Variants in CMTM4 observed in about 807,000 individuals in gnomAD.
CMTM4 encodes CKLF like MARVEL transmembrane domain containing 4.
Under a neutral mutation model 19.0 loss-of-function variants are expected in CMTM4, and 8 were observed. That is an observed-to-expected ratio of 0.42 (90% confidence interval 0.25 to 0.76). The LOEUF (loss-of-function observed/expected upper bound fraction) is 0.76, where lower values mean the gene tolerates loss of function less well. CMTM4 is among the 30% of genes least tolerant of loss of function. CMTM4 has a pLI of 0.27. For missense variants in CMTM4, 228 were observed against 290.2 expected (o/e 0.79, Z 1.56); for synonymous variants, 106 against 121.1 (o/e 0.88, Z 0.82).
intron 2 of CMTM4, among the ~76,000 whole-genome samples, chr16:66,630,933 G>A (rs1444303052): frequency 2.0e-5 from 3 of 148,530 alleles, no homozygotes; most frequent in Non-Finnish European, 3.0e-5. Flanking sequence ...TGTGAGGAGC[G>A]CCTCTGCCTG....
At chr16:66,609,850 C>T, downstream of CMTM4, 3 of 1,614,198 alleles carry the variant, frequency 1.9e-6, no homozygotes, top group Non-Finnish European at 2.5e-6. This position sits in a 1 kb window ranked among gnomAD's most constrained non-coding sequence, Gnocchi z 4.4. Flanking sequence ...AGGGAGTCAG[C>T]CCTGTGATGC....
At chr16:66,689,576 T>G (rs949030380) in intron 1 of CMTM4, among the ~76,000 whole-genome samples, 3 of 151,990 alleles carry the variant, frequency 2.0e-5, no homozygotes, top group Non-Finnish European at 4.4e-5. Context: ...CATGCTAATT[T>G]TTGTATTTTT....
At chr16:66,664,256 A>T (rs1291122167) in intron 1 of CMTM4, among the ~76,000 whole-genome samples, 1 of 151,842 alleles carries the variant, frequency 6.6e-6, no homozygotes, top group Non-Finnish European at 1.5e-5. Context: ...AAAAAATTTC[A>T]GATAAAGGAA....
At chr16:66,612,561 C>T, downstream of CMTM4, 1 of 1,606,712 alleles carries the variant, frequency 6.2e-7, no homozygotes. The surrounding 1 kb of genome is among the most constrained non-coding windows in gnomAD (Gnocchi z 6.0). Context: ...TTCCCAGGCA[C>T]CGCTGCCCTG....
At chr16:66,609,392 C>A in the CMTM4 span, 2 of 1,567,216 alleles carry the variant, frequency 1.3e-6, no homozygotes, top group Non-Finnish European at 1.7e-6. The surrounding 1 kb of genome is among the most constrained non-coding windows in gnomAD (Gnocchi z 4.4). Flanking sequence ...CCATGCTGTG[C>A]TCAGCTCCAG....
At chr16:66,665,740 C>T (rs2016580499) in intron 1 of CMTM4, among the ~76,000 whole-genome samples, 2 of 151,856 alleles carry the variant, frequency 1.3e-5, no homozygotes, top group Admixed American at 6.6e-5. Context: ...TATGCTACCA[C>T]GCTCCAGCCT....
intron 1 of CMTM4, among the ~76,000 whole-genome samples, chr16:66,667,740 T>C (rs1175116406): frequency 1.3e-5 from 2 of 152,086 alleles, no homozygotes; most frequent in East Asian, 3.9e-4. Context: ...ATCCAAAAAA[T>C]TAGCCAGGTG....
chr16:66,665,848 C>G (rs2016582461), intron 1 of CMTM4, among the ~76,000 whole-genome samples: 1 of 151,728 alleles, frequency 6.6e-6, no homozygotes, highest in South Asian at 2.1e-4. Flanking sequence ...GCAGGTGGAT[C>G]ACTTGAGGTT....
intron 1 of CMTM4, among the ~76,000 whole-genome samples, chr16:66,641,479 C>T (rs867775646): frequency 3.3e-5 from 5 of 152,198 alleles, no homozygotes; most frequent in Non-Finnish European, 5.9e-5. Flanking sequence ...ACAAATCAAA[C>T]ACCTTATAGG....
chr16:66,651,488 C>A (rs757629247), intron 1 of CMTM4, among the ~76,000 whole-genome samples: 4 of 152,152 alleles, frequency 2.6e-5, no homozygotes, highest in African/African-American at 4.8e-5. Flanking sequence ...CATCTCTGAT[C>A]CTCACACCCC....
In CMTM4 at chr16:66,620,363, G is replaced by A; in HGVS notation, c.*1695C>T. The A allele has an allele frequency of 2.0e-6, 2 of 985,508 alleles. No homozygotes were observed. Among genetic ancestry groups the A allele is most frequent in the Non-Finnish European group, 2.4e-6 (2 of 829,978 alleles). 61.0% of individuals were successfully genotyped at this position (985,508 alleles called of 1,614,324 possible). On this transcript the variant is annotated 3_prime_UTR_variant, in exon 4 of 4. Coordinates refer to ENST00000394106, the MANE Select transcript of CMTM4 (RefSeq NM_181521.3). ...GAGACGAGTTGTTAACAGGCTAGCA[G>A]GGTCAGCCCCTGAGGCAGACGTGGT...
In CMTM4 at chr16:66,665,262, TAAAAAAAAAAAAA is replaced by T. The variant is rs71145929; in HGVS notation, c.187-28694_187-28682del. Among the ~76,000 whole-genome samples, 59 of 59,712 alleles carry T rather than the reference TAAAAAAAAAAAAA, an allele frequency of 9.9e-4. 1 individual carries two copies. The highest frequency in any genetic ancestry group is 3.5e-3 in the Admixed American group (16 of 4,532). 39.2% of individuals were successfully genotyped at this position (59,712 alleles called of 152,430 possible). ...CATGCCTGGCCAAGACCCTGTTTCTTAAAAAAAAAAAAAAAAAAAAAAAAAAATTTAATTAATT... is the reference window on the plus strand; with the variant it reads ...CATGCCTGGCCAAGACCCTGTTTCTTAAAAAAAAAAAAAATTTAATTAATT... On this transcript the variant is annotated intron_variant, in intron 1 of 3. Transcript: ENST00000394106.
intron 1 of CMTM4, among the ~76,000 whole-genome samples, chr16:66,691,049 C>T (rs924881170): frequency 6.6e-6 from 1 of 152,046 alleles, no homozygotes; most frequent in Non-Finnish European, 1.5e-5. Context: ...CCCAGAAGTT[C>T]GAGGTTACAG....
chr16:66,604,497 G>A, the CMTM4 span: 1 of 239,794 alleles, frequency 4.2e-6, no homozygotes, highest in African/African-American at 2.3e-5. Flanking sequence ...GAGCTCCGAA[G>A]GGGTGCCGGG....
Position 66,696,248 on chromosome 16 carries a change from G to T in CMTM4, c.186+92C>A. The T allele has an allele frequency of 1.1e-6, 1 of 949,096 alleles. No homozygotes were observed. Among genetic ancestry groups the T allele is most frequent in the Non-Finnish European group, 1.4e-6 (1 of 728,888 alleles). 58.8% of individuals were successfully genotyped at this position (949,096 alleles called of 1,614,324 possible). ...GAGGAGCGGGCTCCGGCCTGGGCAAGCGGGTACGCGGCGGAGGCCCCGCAG... is the reference window on the plus strand; with the variant it reads ...GAGGAGCGGGCTCCGGCCTGGGCAATCGGGTACGCGGCGGAGGCCCCGCAG... On this transcript the variant is annotated intron_variant, in intron 1 of 3. Transcript: ENST00000394106. This position sits in a 1 kb window ranked among gnomAD's most constrained non-coding sequence, Gnocchi z 4.3.
intron 1 of CMTM4, among the ~76,000 whole-genome samples, chr16:66,691,247 T>C (rs2017129408): frequency 1.3e-5 from 2 of 152,196 alleles, no homozygotes; most frequent in Admixed American, 1.3e-4. Flanking sequence ...CTCACGCCTG[T>C]AATCCCAGTT....
At chr16:66,627,542 T>C (rs527594640) in intron 2 of CMTM4, among the ~76,000 whole-genome samples, 4 of 152,342 alleles carry the variant, frequency 2.6e-5, no homozygotes, top group Admixed American at 2.6e-4. Flanking sequence ...AAAAAAAGCC[T>C]CATACGCATT....
intron 1 of CMTM4, among the ~76,000 whole-genome samples, chr16:66,680,579 C>T (rs1339703738): frequency 6.6e-6 from 1 of 151,604 alleles, no homozygotes; most frequent in Admixed American, 6.6e-5. Context: ...TCGAGACCAT[C>T]ATGGCTAACG....
chr16:66,672,630 A>G (rs2016730002), intron 1 of CMTM4, among the ~76,000 whole-genome samples: 1 of 151,706 alleles, frequency 6.6e-6, no homozygotes, highest in African/African-American at 2.4e-5. Flanking sequence ...TTTGAGTTAC[A>G]CTTTTGTTTT....
Sources: allele counts gnomAD v4.1 joint callset (sites outside exome capture counted in the v4.1 genomes callset), GRCh38; gene constraint gnomAD v4.1.1; non-coding constraint Gnocchi (gnomAD v3.1); transcripts MANE v1.5; gene names NCBI Gene and HGNC (gene_info 2026-07-23, HGNC 2026-07-21).